The following ENOX1 variants were observed in gnomAD, a reference collection of about 807,000 sequenced individuals.
ENOX1 encodes ecto-NOX disulfide-thiol exchanger 1.
In ENOX1, 42 loss-of-function variants were observed where a neutral mutation model predicts 82.5. The ratio of observed to expected loss-of-function variants is 0.51; its 90% CI spans 0.40 to 0.66. The LOEUF (loss-of-function observed/expected upper bound fraction) is 0.66. Ranked by LOEUF, ENOX1 falls within the 30% of genes least tolerant of loss-of-function variation. The pLI, the probability that ENOX1 is intolerant of heterozygous loss-of-function variation, is 0.00. For synonymous variants in ENOX1, 271 were observed against 282.2 expected (o/e 0.96, Z 0.40); for missense variants, 608 against 811.6 (o/e 0.75, Z 3.05).
chr13:43,721,365 ATATTT>A (rs1555368828), intron 1 of ENOX1, among the ~76,000 whole-genome samples: 2 of 142,226 alleles, frequency 1.4e-5, no homozygotes, highest in Non-Finnish European at 1.5e-5. Context: ...AAGCTTTTAT[ATATTT>A]TATATCTTTT....
chr13:43,277,400 T>G (rs1056233213), intron 12 of ENOX1, among the ~76,000 whole-genome samples: 8 of 152,212 alleles, frequency 5.3e-5, no homozygotes, highest in African/African-American at 1.9e-4. Context: ...CAGGCCTGCC[T>G]GGGTTGATCT....
chr13:43,514,837 G>C (rs982325163), intron 2 of ENOX1, among the ~76,000 whole-genome samples: 1 of 119,166 alleles, frequency 8.4e-6, no homozygotes, highest in Non-Finnish European at 1.7e-5. Flanking sequence ...CCATAGAGGA[G>C]ACAGGTGGTT....
intron 1 of ENOX1, among the ~76,000 whole-genome samples, chr13:43,687,712 C>T (rs377094837): frequency 4.6e-5 from 7 of 152,254 alleles, no homozygotes; most frequent in South Asian, 2.1e-4. Flanking sequence ...AGACTCAGTA[C>T]ATCCGTGGCC....
At chr13:43,760,101 TC>T (rs1354832203) in intron 1 of ENOX1, among the ~76,000 whole-genome samples, 1 of 152,180 alleles carries the variant, frequency 6.6e-6, no homozygotes, top group African/African-American at 2.4e-5. Context: ...AAGACTCTCT[TC>T]CCTATAGGAA....
At chr13:43,557,024 G>A (rs976503245) in intron 2 of ENOX1, among the ~76,000 whole-genome samples, 1 of 152,266 alleles carries the variant, frequency 6.6e-6, no homozygotes, top group Non-Finnish European at 1.5e-5. Flanking sequence ...AGCCAGTGCA[G>A]GCACACAGTG....
In ENOX1 at chr13:43,527,824, C is replaced by A. The variant is rs148291733; in HGVS notation, c.-218-43672G>T. ...TTTATCTTTTCTGCTTCTGCTGTTT[C>A]AGTCTCATTAAGACTATGTTTCTGC... On this transcript the variant is annotated intron_variant, in intron 2 of 16. Transcript: ENST00000690772. 1.4e-4 allele frequency among the ~76,000 whole-genome samples: 22 copies of A among 152,246 alleles called. 1 individual carries two copies. The Middle Eastern group carries it at 0.01, about 71-fold the overall frequency.
intron 1 of ENOX1, among the ~76,000 whole-genome samples, chr13:43,752,646 G>T (rs1950382894): frequency 6.6e-6 from 1 of 151,970 alleles, no homozygotes; most frequent in African/African-American, 2.4e-5. Flanking sequence ...CCACTGAATT[G>T]CCCCCATGCC....
chr13:43,316,040 C>T (rs2047462064), intron 11 of ENOX1, among the ~76,000 whole-genome samples: 3 of 152,170 alleles, frequency 2.0e-5, no homozygotes, highest in African/African-American at 7.2e-5. Flanking sequence ...GTGGCTCTCC[C>T]TTTGTGAAGA....
chr13:43,630,126 T>A (rs1200420560), intron 2 of ENOX1, among the ~76,000 whole-genome samples: 1 of 152,218 alleles, frequency 6.6e-6, no homozygotes, highest in Non-Finnish European at 1.5e-5. Flanking sequence ...CTTATTTTTG[T>A]ATGTTTTAGT....
chr13:43,390,982 G>A (rs1296896451), intron 5 of ENOX1, among the ~76,000 whole-genome samples: 1 of 152,016 alleles, frequency 6.6e-6, no homozygotes, highest in African/African-American at 2.4e-5. Context: ...AGCCCTTTTG[G>A]CTTTTTGCAA....
intron 12 of ENOX1, among the ~76,000 whole-genome samples, chr13:43,274,107 C>A (rs770828098): frequency 3.9e-5 from 6 of 152,158 alleles, no homozygotes; most frequent in Non-Finnish European, 8.8e-5. Context: ...CATATGGATA[C>A]ATAAAACTTT....
intron 3 of ENOX1, among the ~76,000 whole-genome samples, chr13:43,418,426 G>A (rs1330744268): frequency 2.6e-5 from 4 of 152,076 alleles, no homozygotes; most frequent in Non-Finnish European, 5.9e-5. Context: ...TACTTGGGAA[G>A]CTGAGGCAGG....
At chr13:43,684,756 C>A (rs967651006) in intron 1 of ENOX1, among the ~76,000 whole-genome samples, 1 of 152,198 alleles carries the variant, frequency 6.6e-6, no homozygotes, top group Non-Finnish European at 1.5e-5. Flanking sequence ...AAGAGCTAAA[C>A]TAAGCCAATG....
At chr13:43,225,107 G>C (rs1314206437) in intron 15 of ENOX1, among the ~76,000 whole-genome samples, 3 of 152,174 alleles carry the variant, frequency 2.0e-5, no homozygotes, top group African/African-American at 7.2e-5. Context: ...AGGAAATGAT[G>C]CCCTTTGCAG....
At chr13:43,686,900 C>T (rs908112309) in intron 1 of ENOX1, among the ~76,000 whole-genome samples, 1 of 152,120 alleles carries the variant, frequency 6.6e-6, no homozygotes, top group Non-Finnish European at 1.5e-5. Flanking sequence ...ATCACAGCCC[C>T]AAAGAAAGGT....
chr13:43,773,774 C>T (rs1480799093), intron 1 of ENOX1, among the ~76,000 whole-genome samples: 1 of 152,150 alleles, frequency 6.6e-6, no homozygotes, highest in Non-Finnish European at 1.5e-5. Flanking sequence ...GATGTATTTT[C>T]CAGTAAACTG....
At chr13:43,657,405 T>C (rs1257020939) in intron 2 of ENOX1, among the ~76,000 whole-genome samples, 1 of 152,182 alleles carries the variant, frequency 6.6e-6, no homozygotes, top group Non-Finnish European at 1.5e-5. Flanking sequence ...TGGATGTCTC[T>C]CAGCCTCAGG....
intron 1 of ENOX1, among the ~76,000 whole-genome samples, chr13:43,676,360 G>C (rs1027028151): frequency 1.3e-5 from 2 of 152,156 alleles, no homozygotes; most frequent in Non-Finnish European, 2.9e-5. Context: ...GGGCAGGACT[G>C]GGAAGCCTGG....
chr13:43,288,415 G>A (rs2045823209), intron 12 of ENOX1, among the ~76,000 whole-genome samples: 1 of 151,926 alleles, frequency 6.6e-6, no homozygotes, highest in Non-Finnish European at 1.5e-5. Flanking sequence ...ATAAACATGG[G>A]GTATGTCTTT....
Sources: allele counts gnomAD v4.1 joint callset (sites outside exome capture counted in the v4.1 genomes callset), GRCh38; gene constraint gnomAD v4.1.1; transcripts MANE v1.5; gene names NCBI Gene and HGNC (gene_info 2026-07-23, HGNC 2026-07-21).